The following AFG1L variants were observed in gnomAD, a reference collection of about 807,000 sequenced individuals.
AFG1L encodes the protein AFG1 like ATPase, also known as AFG1-like ATPase.
AFG1L carries 53 observed loss-of-function variants against 62.2 expected under a neutral mutation model. The observed-to-expected ratio is 0.85, with a 90% CI of 0.68 to 1.07. The LOEUF (loss-of-function observed/expected upper bound fraction) is 1.07, where lower values mean the gene tolerates loss of function less well. Ranked by LOEUF, AFG1L falls within the 50% of genes least tolerant of loss-of-function variation. The pLI is 0.00. For synonymous variants in AFG1L, 228 were observed against 210.3 expected (o/e 1.08, Z -0.73); for missense variants, 555 against 590.5 (o/e 0.94, Z 0.62).
intron 1 of AFG1L, among the ~76,000 whole-genome samples, chr6:108,308,531 A>G (rs1310829943): frequency 6.6e-6 from 1 of 151,720 alleles, no homozygotes; most frequent in African/African-American, 2.4e-5. Context: ...TAATTTTTTT[A>G]GAGATGGGGT....
chr6:108,322,999 A>G (rs1446256846), intron 1 of AFG1L, among the ~76,000 whole-genome samples: 3 of 152,178 alleles, frequency 2.0e-5, no homozygotes, highest in African/African-American at 7.2e-5. Context: ...TCCATGTCCA[A>G]CTCCGTAAAG....
intron 11 of AFG1L, among the ~76,000 whole-genome samples, chr6:108,516,800 A>G (rs1272991417): frequency 1.3e-5 from 2 of 152,242 alleles, no homozygotes; most frequent in African/African-American, 4.8e-5. Context: ...CAACTTCAGC[A>G]AAGTCTCAGG....
chr6:108,419,353 T>C (rs1002629538), intron 7 of AFG1L, among the ~76,000 whole-genome samples: 1 of 152,194 alleles, frequency 6.6e-6, no homozygotes, highest in African/African-American at 2.4e-5. Flanking sequence ...TTTAAATTTC[T>C]TCTTAAAATT....
chr6:108,345,258 T>C (rs1420595230), intron 2 of AFG1L, among the ~76,000 whole-genome samples: 3 of 151,856 alleles, frequency 2.0e-5, no homozygotes, highest in Non-Finnish European at 4.4e-5. Context: ...ACATCATTTA[T>C]TGAAGAGACA....
intron 2 of AFG1L, among the ~76,000 whole-genome samples, chr6:108,332,483 T>C (rs1778311365): frequency 6.6e-6 from 1 of 152,258 alleles, no homozygotes; most frequent in Non-Finnish European, 1.5e-5. Context: ...GGATCATTGG[T>C]TATCTATGTG....
intron 7 of AFG1L, among the ~76,000 whole-genome samples, chr6:108,424,524 A>G (rs1219815054): frequency 6.6e-6 from 1 of 152,066 alleles, no homozygotes; most frequent in African/African-American, 2.4e-5. Flanking sequence ...TAAATGTGTT[A>G]CTGAGTTGAA....
intron 1 of AFG1L, among the ~76,000 whole-genome samples, chr6:108,302,098 C>T (rs1338959694): frequency 6.6e-6 from 1 of 152,102 alleles, no homozygotes; most frequent in African/African-American, 2.4e-5. Context: ...AGGTGTCCAC[C>T]ACCATGCCCT....
At chr6:108,301,545 C>T (rs1241374321) in intron 1 of AFG1L, among the ~76,000 whole-genome samples, 1 of 152,164 alleles carries the variant, frequency 6.6e-6, no homozygotes, top group African/African-American at 2.4e-5. Flanking sequence ...GTTGGTATGG[C>T]AAGGGCCATT....
intron 6 of AFG1L, among the ~76,000 whole-genome samples, chr6:108,390,515 TTGA>T (rs1315526662): frequency 1.3e-5 from 2 of 152,218 alleles, no homozygotes; most frequent in African/African-American, 4.8e-5. Context: ...CCTTTGGTCT[TTGA>T]TGATGGTGAC....
intron 1 of AFG1L, among the ~76,000 whole-genome samples, chr6:108,304,460 C>T (rs912643160): frequency 1.1e-4 from 16 of 152,174 alleles, no homozygotes; most frequent in African/African-American, 3.4e-4. Context: ...TGCAGGAGAA[C>T]ATTTCTGGTC....
intron 10 of AFG1L, among the ~76,000 whole-genome samples, chr6:108,483,794 T>C (rs755658563): frequency 5.3e-5 from 8 of 152,238 alleles, no homozygotes; most frequent in Non-Finnish European, 1.0e-4. Context: ...TCTTTGGTTT[T>C]TAGTACTCAG....
chr6:108,359,386 A>G (rs550937678), intron 5 of AFG1L: 20 of 152,360 alleles, frequency 1.3e-4, no homozygotes, highest in Middle Eastern at 3.4e-3. Context: ...TTCAGATTAC[A>G]TGTTGAGTGT....
chr6:108,457,947 T>G (rs976459508), intron 8 of AFG1L, among the ~76,000 whole-genome samples: 11 of 152,012 alleles, frequency 7.2e-5, no homozygotes, highest in Non-Finnish European at 1.5e-4. Context: ...ACTTTTTCTC[T>G]ATAGTACTTT....
At chr6:108,499,347 G>A (rs1774096758) in intron 10 of AFG1L, among the ~76,000 whole-genome samples, 1 of 151,842 alleles carries the variant, frequency 6.6e-6, no homozygotes, top group Non-Finnish European at 1.5e-5. Flanking sequence ...GGGATTACAG[G>A]TATAAGCCAC....
chr6:108,473,551 T>C (rs565391668), intron 8 of AFG1L, among the ~76,000 whole-genome samples: 86 of 151,972 alleles, frequency 5.7e-4, no homozygotes, highest in African/African-American at 2.0e-3. Context: ...GCAGCTCACT[T>C]TTTTAAAATT....
intron 7 of AFG1L, among the ~76,000 whole-genome samples, chr6:108,428,654 A>G (rs1770933571): frequency 1.3e-5 from 2 of 152,168 alleles, no homozygotes. Context: ...TGGCTGGGGT[A>G]AGGTGGTACC....
At chr6:108,395,838 TAGAGAG>T (rs935643914) in intron 6 of AFG1L, among the ~76,000 whole-genome samples, 1 of 141,848 alleles carries the variant, frequency 7.0e-6, no homozygotes, top group Non-Finnish European at 1.6e-5. Flanking sequence ...GGGAGAGAGA[TAGAGAG>T]AGAGAGAATG....
At chr6:108,317,347 G>A (rs1181193299) in intron 1 of AFG1L, among the ~76,000 whole-genome samples, 2 of 152,170 alleles carry the variant, frequency 1.3e-5, no homozygotes, top group South Asian at 4.1e-4. Context: ...CAGGGGGCTA[G>A]GGAATGGCAC....
chr6:108,513,326 C>T (rs12524656), intron 11 of AFG1L, among the ~76,000 whole-genome samples: 11,634 of 152,244 alleles, frequency 0.076, 613 homozygotes, highest in South Asian at 0.24. Flanking sequence ...ATCGCCTCAC[C>T]CGGGAAGCAC....
Sources: gnomAD v4.1 joint callset for allele counts (sites outside exome capture counted in the v4.1 genomes callset) on GRCh38, gnomAD v4.1.1 for gene constraint, MANE v1.5 for transcripts, NCBI Gene and HGNC (gene_info 2026-07-23, HGNC 2026-07-21) for gene names.